Variants in KCTD16 observed in about 807,000 individuals in gnomAD.
KCTD16 encodes BTB/POZ domain-containing protein KCTD16.
A neutral mutation model predicts 33.2 loss-of-function variants in KCTD16; 13 were observed. That is an observed-to-expected ratio of 0.39 (90% CI 0.25 to 0.62). KCTD16 has a LOEUF of 0.62. Ranked by LOEUF, KCTD16 falls within the 20% of genes least tolerant of loss-of-function variation. The probability of loss-of-function intolerance (pLI) is 0.50; values close to 1 mark genes in which losing one functional copy is unlikely to be tolerated. For synonymous variants in KCTD16, 197 were observed against 195.3 expected, an observed-to-expected ratio of 1.01 and a Z score of -0.07; for missense variants, 441 against 525.1, an observed-to-expected ratio of 0.84 and a Z score of 1.57.
rs61504664 is a variant in KCTD16, at chr5:144,377,562, C to G, written c.833-96098C>G. Reference sequence around the variant, plus strand: ...GCAGTTTATGACCCTTTGTTTAACCCTCTCTTCTCCAAACTTACCCAATCT... The same window carrying G: ...GCAGTTTATGACCCTTTGTTTAACCGTCTCTTCTCCAAACTTACCCAATCT... On this transcript the variant is annotated intron_variant, in intron 3 of 3. Transcript: ENST00000512467. Among the ~76,000 whole-genome samples, 535 of 152,304 alleles carry G rather than the reference C, an allele frequency of 3.5e-3. 4 individuals are homozygous for G. The highest frequency in any genetic ancestry group is 0.012 in the African/African-American group (508 of 41,562).
At chr5:144,396,182 G>A (rs1423630996) in intron 3 of KCTD16, among the ~76,000 whole-genome samples, 1 of 152,076 alleles carries the variant, frequency 6.6e-6, no homozygotes, top group Non-Finnish European at 1.5e-5. Context: ...AGGCTCTCTA[G>A]GTGTTCTCCT....
intron 2 of KCTD16, among the ~76,000 whole-genome samples, chr5:144,188,745 GAA>G (rs990133319): frequency 1.3e-5 from 2 of 152,194 alleles, no homozygotes; most frequent in African/African-American, 4.8e-5. Flanking sequence ...GTTTGGAGTG[GAA>G]AAGAGTCAGG....
At chr5:144,306,149 A>C (rs567302879) in intron 3 of KCTD16, among the ~76,000 whole-genome samples, 1 of 152,362 alleles carries the variant, frequency 6.6e-6, no homozygotes, top group African/African-American at 2.4e-5. Context: ...ATGTAGCTAC[A>C]GTCCTCCCAT....
chr5:144,260,857 AT>A (rs1348980913), intron 3 of KCTD16, among the ~76,000 whole-genome samples: 3 of 151,776 alleles, frequency 2.0e-5, no homozygotes, highest in Admixed American at 6.6e-5. Context: ...TATTATTCTA[AT>A]TTTTTTCTGT....
chr5:144,390,329 G>A (rs371426760), intron 3 of KCTD16, among the ~76,000 whole-genome samples: 65 of 152,268 alleles, frequency 4.3e-4, no homozygotes, highest in African/African-American at 1.4e-3. Context: ...ACTGGAAATA[G>A]TGATGTGTTT....
chr5:144,243,796 T>G (rs1226429405), intron 3 of KCTD16, among the ~76,000 whole-genome samples: 4 of 152,020 alleles, frequency 2.6e-5, no homozygotes, highest in Admixed American at 6.6e-5. Flanking sequence ...CAGGATGGAG[T>G]GCAGTGGCAC....
At chr5:144,403,829 A>G (rs1005240261) in intron 3 of KCTD16, among the ~76,000 whole-genome samples, 11 of 152,180 alleles carry the variant, frequency 7.2e-5, no homozygotes, top group African/African-American at 2.7e-4. Flanking sequence ...TCTGGTAAGT[A>G]GTAACAAAGC....
At chr5:144,388,906 G>A (rs910783862) in intron 3 of KCTD16, among the ~76,000 whole-genome samples, 1 of 152,180 alleles carries the variant, frequency 6.6e-6, no homozygotes, top group Non-Finnish European at 1.5e-5. Context: ...GTACATATAT[G>A]TGTCTTAATA....
intron 3 of KCTD16, among the ~76,000 whole-genome samples, chr5:144,342,515 C>A (rs1441368020): frequency 2.6e-5 from 4 of 152,192 alleles, no homozygotes; most frequent in Non-Finnish European, 5.9e-5. Flanking sequence ...ATCATGTCAT[C>A]ATCTGCACAC....
At chr5:144,341,261 C>G (rs1306702974) in intron 3 of KCTD16, among the ~76,000 whole-genome samples, 1 of 152,164 alleles carries the variant, frequency 6.6e-6, no homozygotes, top group East Asian at 1.9e-4. Flanking sequence ...CTGACAGGAG[C>G]AGGCAGCACC....
chr5:144,439,961 A>C (rs1428288654), intron 3 of KCTD16, among the ~76,000 whole-genome samples: 4 of 152,032 alleles, frequency 2.6e-5, no homozygotes, highest in African/African-American at 9.7e-5. Flanking sequence ...AAAAAAAAAA[A>C]ACATATTTAA....
intron 2 of KCTD16, among the ~76,000 whole-genome samples, chr5:144,198,931 C>A (rs1752989016): frequency 6.6e-6 from 1 of 152,304 alleles, no homozygotes; most frequent in Non-Finnish European, 1.5e-5. Flanking sequence ...GTAAGTACCT[C>A]TTTCAAACTC....
intron 3 of KCTD16, among the ~76,000 whole-genome samples, chr5:144,422,000 A>G (rs543559622): frequency 6.6e-6 from 1 of 152,290 alleles, no homozygotes; most frequent in East Asian, 1.9e-4. Flanking sequence ...TAGAACTTTA[A>G]TAAAAAACTT....
intron 2 of KCTD16, among the ~76,000 whole-genome samples, chr5:144,196,961 G>A (rs1752951136): frequency 6.6e-6 from 1 of 152,154 alleles, no homozygotes; most frequent in South Asian, 2.1e-4. Flanking sequence ...CAAAAAAGGT[G>A]ATGTTTCCTA....
chr5:144,251,391 A>T (rs986219255), intron 3 of KCTD16, among the ~76,000 whole-genome samples: 15 of 152,176 alleles, frequency 9.9e-5, no homozygotes, highest in African/African-American at 3.6e-4. Flanking sequence ...TTATAAACAT[A>T]GGCTTATTTT....
At chr5:144,427,129 C>T (rs1201254758) in intron 3 of KCTD16, among the ~76,000 whole-genome samples, 2 of 152,048 alleles carry the variant, frequency 1.3e-5, no homozygotes, top group East Asian at 3.9e-4. Context: ...AGCAGAGGAG[C>T]TCTAGGTTCT....
intron 2 of KCTD16, among the ~76,000 whole-genome samples, chr5:144,185,714 T>C (rs1752712036): frequency 6.6e-6 from 1 of 152,108 alleles, no homozygotes; most frequent in Admixed American, 6.6e-5. Flanking sequence ...ATAGGGAGCT[T>C]TTTTGCATTA....
chr5:144,194,591 C>A (rs984597835), intron 2 of KCTD16, among the ~76,000 whole-genome samples: 1 of 152,170 alleles, frequency 6.6e-6, no homozygotes, highest in Non-Finnish European at 1.5e-5. Context: ...GCAAATGATA[C>A]ATTTGTTGAG....
At chr5:144,312,630 A>T (rs1253818383) in intron 3 of KCTD16, among the ~76,000 whole-genome samples, 1 of 152,220 alleles carries the variant, frequency 6.6e-6, no homozygotes, top group Non-Finnish European at 1.5e-5. Context: ...TGAGCACATA[A>T]AAAAGGAGAA....
Sources: allele counts gnomAD v4.1 joint callset (sites outside exome capture counted in the v4.1 genomes callset), GRCh38; gene constraint gnomAD v4.1.1; transcripts MANE v1.5; gene names NCBI Gene and HGNC (gene_info 2026-07-23, HGNC 2026-07-21).